RUBCN: variants seen among roughly 807,000 people sequenced by gnomAD.
RUBCN encodes run domain Beclin-1-interacting and cysteine-rich domain-containing protein.
Under a neutral mutation model 113.2 loss-of-function variants are expected in RUBCN, and 74 were observed. That is an observed-to-expected ratio of 0.65 (90% CI 0.54 to 0.79). The LOEUF (loss-of-function observed/expected upper bound fraction) is 0.79. Ranked by LOEUF, RUBCN falls within the 30% of genes least tolerant of loss-of-function variation. RUBCN has a pLI of 0.00. For synonymous variants in RUBCN, 480 were observed against 490.0 expected, an observed-to-expected ratio of 0.98 and a Z score of 0.27; for missense variants, 1,109 against 1,251.7, an observed-to-expected ratio of 0.89 and a Z score of 1.72.
rs900961595 is a variant in RUBCN at position 197,669,436 on chromosome 3, G to A, written c.*5582C>T. 2.0e-5 allele frequency among the ~76,000 whole-genome samples: 3 copies of A among 152,114 alleles called. No homozygotes were observed. The highest frequency in any genetic ancestry group is 6.5e-5 in the Admixed American group (1 of 15,276). ...TCAAGTGTTTTGTAGAAAGTTCCTC[G>A]AATTTTGCTCCTGTGTTTATGTTGT... On this transcript the variant is annotated 3_prime_UTR_variant, in exon 20 of 20. Coordinates refer to ENST00000296343, the MANE Select transcript of RUBCN (RefSeq NM_014687.4).
At position 197,703,464 on chromosome 3, in the gene RUBCN, G is replaced by GTGAAA. The variant is rs1303791403; in HGVS notation, c.570+79_570+83dup. On this transcript the variant is annotated intron_variant, in intron 5 of 19. Transcript: ENST00000296343. ...CCTTTCAGCTCACAAAAATGGCTAA[G>GTGAAA]TGAAAAAGTTTGCTGTAGAGGGCTA... is the stretch of plus-strand genomic sequence containing the variant. 51 of 494,320 alleles carry GTGAAA rather than the reference G, an allele frequency of 1.0e-4. No individual in the cohort carries two copies. The East Asian group carries it at 2.3e-3, about 22-fold the overall frequency. The allele number at this position is 494,320 out of a possible 1,614,324, so 30.6% of individuals were successfully genotyped here.
chr3:197,714,742 T>C (rs571360126), intron 2 of RUBCN, among the ~76,000 whole-genome samples: 11 of 152,298 alleles, frequency 7.2e-5, no homozygotes, highest in Admixed American at 7.2e-4. Context: ...CAGGTAGTTA[T>C]ACGAGGCCCT....
rs1023624221 is a variant in RUBCN, at chr3:197,715,451, T to A, written c.219+2526A>T. Among the ~76,000 whole-genome samples the A allele has an allele frequency of 3.9e-5, 6 of 152,264 alleles. No individual in the cohort carries two copies. The East Asian group carries it at 1.2e-3, about 29-fold the overall frequency. On this transcript the variant is annotated intron_variant, in intron 2 of 19. Transcript: ENST00000296343. ...AAATATGACAATATTTTATAAATAGTTCTCGGATTGTCCTAGGATGCTAGG... is the reference window on the plus strand; with the variant it reads ...AAATATGACAATATTTTATAAATAGATCTCGGATTGTCCTAGGATGCTAGG...
At chr3:197,702,186 C>A (rs1723753026) in intron 5 of RUBCN, among the ~76,000 whole-genome samples, 1 of 152,216 alleles carries the variant, frequency 6.6e-6, no homozygotes, top group African/African-American at 2.4e-5. Flanking sequence ...TGACACTTAT[C>A]AGCTATTTGA....
At chr3:197,732,399 C>T (rs1727620187) in intron 1 of RUBCN, among the ~76,000 whole-genome samples, 1 of 152,294 alleles carries the variant, frequency 6.6e-6, no homozygotes, top group East Asian at 1.9e-4. Context: ...CTGCAAGCTC[C>T]GCCTCCCGGG....
Position 197,675,186 on chromosome 3 carries a change from C to G in RUBCN, c.2751G>C (p.Ala917=). The G allele has an allele frequency of 3.1e-6, 5 of 1,614,086 alleles. No individual in the cohort carries two copies. The highest frequency in any genetic ancestry group is 4.2e-6 in the Non-Finnish European group (5 of 1,180,040). Residue 917 remains alanine, a synonymous_variant, in exon 20 of 20, where the codon GCG becomes GCC. Coordinates refer to ENST00000296343, the MANE Select transcript of RUBCN (RefSeq NM_014687.4). This position sits in a 1 kb window ranked among gnomAD's most constrained non-coding sequence, Gnocchi z 4.4. ...HKCRTCEECK[A]CYHKACFKSG... is the part of the protein sequence containing the mutation. Reference sequence around the variant, plus strand: ...ACTTGAAGCAGGCTTTATGGTAACACGCTTTACACTCTACTCAGGTTGGGA... The same window carrying G: ...ACTTGAAGCAGGCTTTATGGTAACAGGCTTTACACTCTACTCAGGTTGGGA...
intron 2 of RUBCN, among the ~76,000 whole-genome samples, chr3:197,709,887 G>C (rs1724759951): frequency 6.6e-6 from 1 of 152,050 alleles, no homozygotes; most frequent in South Asian, 2.1e-4. Flanking sequence ...CTGCAGAGTA[G>C]GCTGGGTGTG....
chr3:197,720,541 G>C (rs1726032273), intron 1 of RUBCN, among the ~76,000 whole-genome samples: 1 of 151,998 alleles, frequency 6.6e-6, no homozygotes, highest in African/African-American at 2.4e-5. Context: ...CCGTGTAGCT[G>C]GGACTACAGG....
At chr3:197,693,454 C>T (rs1722655741) in intron 11 of RUBCN, among the ~76,000 whole-genome samples, 1 of 152,176 alleles carries the variant, frequency 6.6e-6, no homozygotes, top group South Asian at 2.1e-4. Context: ...AGTGGGAACC[C>T]AGGAGAAAGA....
chr3:197,737,447 A>C (rs1728274600), upstream of RUBCN, among the ~76,000 whole-genome samples: 1 of 151,532 alleles, frequency 6.6e-6, no homozygotes, highest in African/African-American at 2.4e-5. Flanking sequence ...CAGAGTTTTC[A>C]AGGCTGAGTA....
At chr3:197,693,183 TACC>T (rs777999574) in intron 11 of RUBCN, among the ~76,000 whole-genome samples, 4 of 152,068 alleles carry the variant, frequency 2.6e-5, no homozygotes, top group South Asian at 2.1e-4. Context: ...CTGATACTCC[TACC>T]ACCACCACCA....
chr3:197,682,430 C>G, intron 14 of RUBCN, 40 bp downstream of exon 14: 1 of 1,612,314 alleles, frequency 6.2e-7, no homozygotes, highest in East Asian at 2.2e-5. Context: ...CCAAAGAGGA[C>G]GGATCTGTGC....
At chr3:197,702,604 A>G (rs970310089) in intron 5 of RUBCN, among the ~76,000 whole-genome samples, 9 of 152,320 alleles carry the variant, frequency 5.9e-5, no homozygotes, top group African/African-American at 1.7e-4. Flanking sequence ...CGGAGGCTGC[A>G]GTGAGCCAAG....
chr3:197,730,645 A>T (rs1727312782), intron 1 of RUBCN, among the ~76,000 whole-genome samples: 1 of 149,858 alleles, frequency 6.7e-6, no homozygotes, highest in Non-Finnish European at 1.5e-5. Context: ...CAAGGCCCGG[A>T]GCTCTGGGAG....
In RUBCN at chr3:197,697,030, C is replaced by T. The variant is rs752736614; in HGVS notation, c.1281G>A (p.Ala427=). ...RGAPESCNDK[A]KLRGPLPYSG... The stretch of plus-strand genomic sequence containing the variant: ...AGTAGGGCAAAGGGCCTCTCAACTT[C>T]GCCTTATCATTGCAGGATTCTAATG... The change falls in exon 8 of 20, where the codon GCG becomes GCA. Residue 427 remains alanine, a synonymous_variant. Coordinates refer to ENST00000296343, the MANE Select transcript of RUBCN (RefSeq NM_014687.4). 1.1e-5 allele frequency: 17 copies of T among 1,597,144 alleles called. No individual in the cohort carries two copies. The highest frequency in any genetic ancestry group is 5.4e-5 in the African/African-American group (4 of 74,532).
At chr3:197,698,258 A>G (rs1025950592) in intron 7 of RUBCN, among the ~76,000 whole-genome samples, 2 of 152,248 alleles carry the variant, frequency 1.3e-5, no homozygotes, top group African/African-American at 4.8e-5. Flanking sequence ...TGATGGTCCT[A>G]CAGACTTTAT....
chr3:197,692,848 T>C (rs541184471), intron 11 of RUBCN, among the ~76,000 whole-genome samples: 1 of 152,312 alleles, frequency 6.6e-6, no homozygotes, highest in South Asian at 2.1e-4. Context: ...GCTCTCTAGA[T>C]TGTGTAAACA....
In RUBCN at chr3:197,670,064, T is replaced by A. The variant is rs1370507016; in HGVS notation, c.*4954A>T. 6.6e-6 allele frequency among the ~76,000 whole-genome samples: 1 copy of A among 152,112 alleles called. No individual in the cohort carries two copies. On this transcript the variant is annotated 3_prime_UTR_variant, in exon 20 of 20. Coordinates refer to ENST00000296343, the MANE Select transcript of RUBCN (RefSeq NM_014687.4). ...CCATCATGCCCAACTAGCTTTTGTA[T>A]TTTTAGTAGAGACAAGGTTTCACCA...
chr3:197,729,485 C>T (rs1177438387), intron 1 of RUBCN, among the ~76,000 whole-genome samples: 2 of 152,070 alleles, frequency 1.3e-5, no homozygotes, highest in Non-Finnish European at 1.5e-5. Flanking sequence ...GATCTCCTGA[C>T]CTTGTGATCC....
Sources: allele counts gnomAD v4.1 joint callset (sites outside exome capture counted in the v4.1 genomes callset), GRCh38; gene constraint gnomAD v4.1.1; non-coding constraint Gnocchi (gnomAD v3.1); transcripts MANE v1.5; gene names NCBI Gene and HGNC (gene_info 2026-07-23, HGNC 2026-07-21).